Variants in MICAL3 observed in about 807,000 individuals in gnomAD.
The protein encoded by MICAL3 is microtubule associated monooxygenase, calponin and LIM domain containing 3.
Under a neutral mutation model 207.4 loss-of-function variants are expected in MICAL3, and 62 were observed. The observed-to-expected ratio is 0.30, with a 90% CI of 0.24 to 0.37. The LOEUF (loss-of-function observed/expected upper bound fraction) is 0.37. Among genes scored for constraint, MICAL3 ranks in the 10% least tolerant of loss-of-function variants. The pLI, the probability that MICAL3 is intolerant of heterozygous loss-of-function variation, is 1.00. For missense variants in MICAL3, 2,368 were observed against 2,635.6 expected (o/e 0.90, Z 2.22); for synonymous variants, 1,077 against 1,069.3 (o/e 1.01, Z -0.14).
intron 19 of MICAL3, among the ~76,000 whole-genome samples, chr22:17,853,709 C>A (rs1310531824): frequency 6.6e-6 from 1 of 152,198 alleles, no homozygotes; most frequent in Non-Finnish European, 1.5e-5. Context: ...AACTGAAACT[C>A]AAATTCACAT....
At chr22:17,895,209 C>A in intron 10 of MICAL3, 75 bp downstream of exon 10, 7 of 1,453,786 alleles carry the variant, frequency 4.8e-6, no homozygotes, top group Non-Finnish European at 6.7e-6. Context: ...AATAGGTGCA[C>A]GCATCTCAAC....
At chr22:17,872,460 C>T (rs1927819543) in intron 16 of MICAL3, among the ~76,000 whole-genome samples, 1 of 152,110 alleles carries the variant, frequency 6.6e-6, no homozygotes, top group African/African-American at 2.4e-5. Flanking sequence ...GGAAGGGGCC[C>T]GAGGGTCCCC....
chr22:17,849,562 T>C (rs967838671), intron 19 of MICAL3, among the ~76,000 whole-genome samples: 1 of 151,268 alleles, frequency 6.6e-6, no homozygotes, highest in South Asian at 2.1e-4. Flanking sequence ...CTCAAACTCC[T>C]GGCCTCAAGT....
intron 19 of MICAL3, among the ~76,000 whole-genome samples, chr22:17,859,723 C>T (rs548840462): frequency 6.6e-6 from 1 of 152,176 alleles, no homozygotes; most frequent in Non-Finnish European, 1.5e-5. Context: ...GACAGACACG[C>T]CCCTGGCCCC....
At chr22:17,856,137 G>C (rs538236137) in intron 19 of MICAL3, among the ~76,000 whole-genome samples, 46 of 152,248 alleles carry the variant, frequency 3.0e-4, no homozygotes, top group Non-Finnish European at 5.7e-4. Flanking sequence ...TGCCGCTACT[G>C]TGTGTCTCCC....
At chr22:17,851,150 G>C (rs970962751) in intron 19 of MICAL3, among the ~76,000 whole-genome samples, 2 of 152,198 alleles carry the variant, frequency 1.3e-5, no homozygotes, top group African/African-American at 4.8e-5. Flanking sequence ...TATGCGCTGG[G>C]ATTTGAAATA....
At chr22:17,847,261 T>G (rs1924730763) in intron 19 of MICAL3, among the ~76,000 whole-genome samples, 1 of 152,358 alleles carries the variant, frequency 6.6e-6, no homozygotes, top group Non-Finnish European at 1.5e-5. Context: ...CTCTTCTGCC[T>G]CTTTCTGGCC....
At chr22:17,837,794 T>A (rs1229937310) in intron 20 of MICAL3, among the ~76,000 whole-genome samples, 1 of 152,224 alleles carries the variant, frequency 6.6e-6, no homozygotes. Flanking sequence ...CTGACATTCC[T>A]GGCCTCCACC....
intron 20 of MICAL3, among the ~76,000 whole-genome samples, chr22:17,833,936 T>C (rs1438046277): frequency 6.6e-6 from 1 of 152,212 alleles, no homozygotes; most frequent in Non-Finnish European, 1.5e-5. Context: ...ACTCACCCTA[T>C]GTACTTCTTC....
chr22:17,969,161 TC>T (rs768085674), intron 1 of MICAL3, among the ~76,000 whole-genome samples: 25 of 152,280 alleles, frequency 1.6e-4, no homozygotes, highest in Non-Finnish European at 3.2e-4. Context: ...TGCCTCAGCC[TC>T]CCGAGTAGCT....
chr22:17,805,007 G>C (rs2061976026), intron 29 of MICAL3, among the ~76,000 whole-genome samples: 1 of 152,198 alleles, frequency 6.6e-6, no homozygotes. Context: ...TCATACCTTA[G>C]ACAAACGGAG....
At chr22:17,940,433 A>C (rs972124207) in intron 1 of MICAL3, among the ~76,000 whole-genome samples, 2 of 152,186 alleles carry the variant, frequency 1.3e-5, no homozygotes, top group African/African-American at 4.8e-5. Context: ...AGGAGGAAGA[A>C]GGAAAAAGAA....
chr22:17,938,256 G>A (rs113440173), intron 1 of MICAL3, among the ~76,000 whole-genome samples: 4,502 of 152,266 alleles, frequency 0.03, 222 homozygotes, highest in African/African-American at 0.097. Context: ...CTTTAAAGCC[G>A]TAATTATTCC....
chr22:18,023,936 T>C (rs2146522947), intron 1 of MICAL3, among the ~76,000 whole-genome samples: 1 of 152,322 alleles, frequency 6.6e-6, no homozygotes, highest in East Asian at 1.9e-4. Flanking sequence ...CTGGGTACGC[T>C]CTTCCTTTGC....
chr22:18,010,465 A>G (rs1923648143), intron 1 of MICAL3, among the ~76,000 whole-genome samples: 1 of 152,170 alleles, frequency 6.6e-6, no homozygotes, highest in African/African-American at 2.4e-5. Flanking sequence ...ACTTGGATAG[A>G]GAGAGTCTTT....
At chr22:17,944,238 T>C (rs990560601) in intron 1 of MICAL3, among the ~76,000 whole-genome samples, 1 of 152,184 alleles carries the variant, frequency 6.6e-6, no homozygotes, top group African/African-American at 2.4e-5. Context: ...TTGTGCGTCA[T>C]AGCTAGAGGT....
chr22:17,809,013 C>G, intron 28 of MICAL3, 76 bp from the exon 29 acceptor site: 1 of 1,283,868 alleles, frequency 7.8e-7, no homozygotes, highest in Non-Finnish European at 1.1e-6. Context: ...CACACCCACA[C>G]GAGGGGAAAC....
At chr22:18,021,144 T>C (rs1924449322) in intron 1 of MICAL3, among the ~76,000 whole-genome samples, 1 of 152,192 alleles carries the variant, frequency 6.6e-6, no homozygotes, top group Admixed American at 6.5e-5. Flanking sequence ...AACTGGACAT[T>C]TTCCCCCAGT....
chr22:17,998,218 C>G (rs980587816), intron 1 of MICAL3, among the ~76,000 whole-genome samples: 1 of 137,556 alleles, frequency 7.3e-6, no homozygotes, highest in Non-Finnish European at 1.6e-5. Flanking sequence ...GCAGAAGAAT[C>G]GCTCGAACCC....
Sources: allele counts gnomAD v4.1 joint callset (sites outside exome capture counted in the v4.1 genomes callset), GRCh38; gene constraint gnomAD v4.1.1; transcripts MANE v1.5; gene names NCBI Gene and HGNC (gene_info 2026-07-23, HGNC 2026-07-21).